HERC1: variants seen among roughly 807,000 people sequenced by gnomAD.
HERC1 encodes the protein HECT and RLD domain containing E3 ubiquitin protein ligase family member 1.
Under a neutral mutation model 554.3 loss-of-function variants are expected in HERC1, and 160 were observed. That is an observed-to-expected ratio of 0.29 (90% CI 0.25 to 0.33). HERC1 has a LOEUF of 0.33. HERC1 is among the 10% of genes least tolerant of loss of function. The pLI, the probability that HERC1 is intolerant of heterozygous loss-of-function variation, is 1.00. For synonymous variants in HERC1, 2,175 were observed against 2,131.7 expected (o/e 1.02, Z -0.56); for missense variants, 4,919 against 5,918.5 (o/e 0.83, Z 5.54).
intron 31 of HERC1, among the ~76,000 whole-genome samples, chr15:63,691,055 G>C (rs367961570): frequency 7.9e-5 from 12 of 152,314 alleles, no homozygotes; most frequent in East Asian, 3.9e-4. Flanking sequence ...AAACAGGTCT[G>C]TTAATCTCCA....
chr15:63,829,559 GTGTATA>G (rs56771068), intron 1 of HERC1, among the ~76,000 whole-genome samples: 11,139 of 93,024 alleles, frequency 0.12, 513 homozygotes, highest in Admixed American at 0.15. Flanking sequence ...GTGTGTGTGT[GTGTATA>G]TATATATATA....
Position 63,727,831 on chromosome 15 carries a change from T to C in HERC1, c.3162A>G (p.Ile1054Met). The change falls in exon 17 of 78, where the codon ATA becomes ATG. Residue 1054 changes from isoleucine to methionine, a missense_variant. Ile to Met is a conservative substitution (Grantham distance 10). This residue lies in a region of HERC1 where 1,121 missense variants were observed against 1,244.0 expected (regional missense o/e 0.90). Transcript: ENST00000443617. The surrounding 1 kb of genome is among the most constrained non-coding windows in gnomAD (Gnocchi z 4.3). ...GSVGEKLRDV[I>M]YVSAAGSMLC... is the part of the protein sequence containing the mutation. ...GCATACTGCCAGCAGCTGAGACGTA[T>C]ATCACATCTATGAAGGGCAAGAAAT... 6.2e-7 allele frequency: 1 copy of C among 1,613,020 alleles called. No homozygotes were observed.
Position 63,634,765 on chromosome 15 carries a change from C to A in HERC1, c.12538G>T (p.Val4180Leu), listed in dbSNP as rs1288374745. The change falls in exon 66 of 78, where the codon GTG becomes TTG. Residue 4180 changes from valine (V) to leucine (L), a missense_variant. Physicochemically the swap from Val to Leu is conservative, Grantham distance 32. Transcript: ENST00000443617. ...ATCTGATATCCCTCCAGTGCAGTCACTCTCTCTGGAAGTTTTTTGTTAGAG... is the reference window on the plus strand; with the variant it reads ...ATCTGATATCCCTCCAGTGCAGTCAATCTCTCTGGAAGTTTTTTGTTAGAG... ...NTSNKKLPER[V>L]TALEGYQIGQ... 1 of 1,612,972 alleles carries A rather than the reference C, an allele frequency of 6.2e-7. No individual in the cohort carries two copies. The highest frequency in any genetic ancestry group is 2.2e-5 in the East Asian group (1 of 44,854).
intron 1 of HERC1, among the ~76,000 whole-genome samples, chr15:63,807,542 C>T (rs954387349): frequency 6.6e-6 from 1 of 152,124 alleles, no homozygotes; most frequent in Non-Finnish European, 1.5e-5. Flanking sequence ...CATGACAATA[C>T]TCTGCTGCTC....
intron 3 of HERC1, 57 bp downstream of exon 3, chr15:63,764,039 C>T: frequency 3.4e-6 from 3 of 892,066 alleles, no homozygotes; most frequent in South Asian, 1.4e-5. Flanking sequence ...GGGATAAATA[C>T]ATGCCATAGC....
At chr15:63,707,928 C>CAAAA (rs71131176) in intron 24 of HERC1, among the ~76,000 whole-genome samples, 33 of 55,162 alleles carry the variant, frequency 6.0e-4, no homozygotes, top group East Asian at 8.2e-4. Context: ...GACTCCCTCT[C>CAAAA]AAAAAAAAAA....
At chr15:63,757,118 C>G in intron 4 of HERC1, among the ~76,000 whole-genome samples, 1 of 150,640 alleles carries the variant, frequency 6.6e-6, no homozygotes, top group East Asian at 1.9e-4. Context: ...AAAATGTATT[C>G]TAAACCTATT....
chr15:63,704,870 C>G lies in HERC1; in HGVS notation c.4636+1910G>C, dbSNP rs1247566391. On this transcript the variant is annotated intron_variant, in intron 25 of 77. Transcript: ENST00000443617. ...TCTCCTGCCTCAGCCTCCCGAATAG[C>G]CAGGACTACAGGCGCCCACCACCAC... Among the ~76,000 whole-genome samples, 11 of 151,612 alleles carry G rather than the reference C, an allele frequency of 7.3e-5. No homozygotes were observed. The East Asian group carries it at 2.1e-3, about 30-fold the overall frequency.
intron 2 of HERC1, among the ~76,000 whole-genome samples, chr15:63,767,386 A>AT (rs1202650410): frequency 6.6e-6 from 1 of 152,124 alleles, no homozygotes; most frequent in African/African-American, 2.4e-5. Flanking sequence ...CTTTTCATCA[A>AT]TCTGTATCTA....
chr15:63,798,988 G>A (rs1474631142), intron 1 of HERC1, among the ~76,000 whole-genome samples: 1 of 152,086 alleles, frequency 6.6e-6, no homozygotes, highest in Non-Finnish European at 1.5e-5. Flanking sequence ...TTTTAAAAAA[G>A]AAGTTGACTT....
At chr15:63,769,502 T>C (rs1211427472) in intron 2 of HERC1, among the ~76,000 whole-genome samples, 1 of 152,178 alleles carries the variant, frequency 6.6e-6, no homozygotes, top group African/African-American at 2.4e-5. Context: ...TAACTTCATT[T>C]GTTCACATTC....
chr15:63,620,971 T>G (rs572086011), intron 74 of HERC1, among the ~76,000 whole-genome samples: 29 of 152,344 alleles, frequency 1.9e-4, no homozygotes, highest in African/African-American at 7.0e-4. Context: ...TGCCTTTTAA[T>G]TGGAGCATTT....
intron 50 of HERC1, among the ~76,000 whole-genome samples, chr15:63,655,077 G>C (rs2069947731): frequency 6.6e-6 from 1 of 152,100 alleles, no homozygotes; most frequent in African/African-American, 2.4e-5. Flanking sequence ...GTATCGGCTG[G>C]GTGTGGTGGC....
chr15:63,636,329 G>A (rs979466940), intron 64 of HERC1, among the ~76,000 whole-genome samples, 187 bp from the exon 65 acceptor site: 5 of 151,088 alleles, frequency 3.3e-5, no homozygotes, highest in African/African-American at 1.2e-4. Flanking sequence ...GGAGTGCAGT[G>A]GTGTGATCTC....
At chr15:63,689,741 A>T (rs2153035202) in intron 32 of HERC1, 42 bp from the exon 33 acceptor site, 3 of 1,202,244 alleles carry the variant, frequency 2.5e-6, no homozygotes, top group Non-Finnish European at 3.5e-6. Flanking sequence ...GTAAAAAGTA[A>T]CTTTAAGTAT....
At chr15:63,696,540 G>C (rs1277700193) in intron 26 of HERC1, among the ~76,000 whole-genome samples, 1 of 152,102 alleles carries the variant, frequency 6.6e-6, no homozygotes, top group South Asian at 2.1e-4. Flanking sequence ...GAATAAAAAA[G>C]GTTAGAGTAC....
chr15:63,719,741 TAGATC>T (rs933019459), intron 19 of HERC1, among the ~76,000 whole-genome samples: 3 of 152,210 alleles, frequency 2.0e-5, no homozygotes, highest in African/African-American at 7.2e-5. Context: ...AATTTGTTGA[TAGATC>T]AGATCTGTGA....
chr15:63,639,385 C>A (rs920887896), intron 61 of HERC1, among the ~76,000 whole-genome samples: 1 of 152,134 alleles, frequency 6.6e-6, no homozygotes, highest in Non-Finnish European at 1.5e-5. Flanking sequence ...TAGGAGTAAT[C>A]AGACTATACC....
chr15:63,809,946 T>C (rs1280420290), intron 1 of HERC1, among the ~76,000 whole-genome samples: 3 of 152,064 alleles, frequency 2.0e-5, no homozygotes, highest in Non-Finnish European at 4.4e-5. Context: ...CAAAGTGCTG[T>C]GATTACAGGT....
Sources: gnomAD v4.1 joint callset for allele counts (sites outside exome capture counted in the v4.1 genomes callset) on GRCh38, gnomAD v4.1.1 for gene constraint, gnomAD v4.1.1 regional missense constraint, Gnocchi (gnomAD v3.1) non-coding constraint, MANE v1.5 for transcripts, NCBI Gene and HGNC (gene_info 2026-07-23, HGNC 2026-07-21) for gene names.